Variants in COL19A1 observed in about 807,000 individuals in gnomAD.
COL19A1 encodes collagen alpha-1(XIX) chain.
In COL19A1, 159 loss-of-function variants were observed where a neutral mutation model predicts 190.2. The ratio of observed to expected loss-of-function variants is 0.84; its 90% confidence interval spans 0.73 to 0.95. The LOEUF is 0.95. Among genes scored for constraint, COL19A1 ranks in the 40% least tolerant of loss-of-function variants. The pLI is 0.00. For synonymous variants in COL19A1, 509 were observed against 458.9 expected (o/e 1.11, Z -1.39); for missense variants, 1,418 against 1,431.9 (o/e 0.99, Z 0.16).
chr6:69,921,402 CATAT>C (rs1291320359), intron 4 of COL19A1, among the ~76,000 whole-genome samples: 2 of 97,396 alleles, frequency 2.1e-5, no homozygotes, highest in Admixed American at 1.1e-4. Flanking sequence ...TATCATATAT[CATAT>C]ATATCATATA....
At chr6:70,166,097 C>A (rs1765134381) in intron 37 of COL19A1, 112 bp downstream of exon 37, 1 of 957,204 alleles carries the variant, frequency 1.0e-6, no homozygotes. Context: ...TTCTGAATTT[C>A]GTGTATAAAT....
At chr6:69,977,975 A>T (rs1000715855) in intron 11 of COL19A1, among the ~76,000 whole-genome samples, 1 of 152,186 alleles carries the variant, frequency 6.6e-6, no homozygotes, top group Non-Finnish European at 1.5e-5. Flanking sequence ...AAATTTCAAT[A>T]ATTTACTAGC....
At chr6:70,151,794 C>T (rs1787076825) in intron 31 of COL19A1, among the ~76,000 whole-genome samples, 1 of 152,076 alleles carries the variant, frequency 6.6e-6, no homozygotes. Context: ...TGTTGACTCA[C>T]CCTGGCTCAC....
At chr6:70,058,605 A>T (rs947258151) in intron 14 of COL19A1, among the ~76,000 whole-genome samples, 1 of 152,058 alleles carries the variant, frequency 6.6e-6, no homozygotes, top group African/African-American at 2.4e-5. Flanking sequence ...TTTTATACAA[A>T]CATAGAATTC....
chr6:69,954,107 T>C (rs1324406269), intron 9 of COL19A1, among the ~76,000 whole-genome samples: 3 of 152,022 alleles, frequency 2.0e-5, no homozygotes, highest in African/African-American at 7.2e-5. Flanking sequence ...AGATGATTGG[T>C]ATCTTTCTTT....
chr6:70,148,402 T>C (rs553653334), intron 27 of COL19A1, among the ~76,000 whole-genome samples: 1 of 152,258 alleles, frequency 6.6e-6, no homozygotes, highest in South Asian at 2.1e-4. Context: ...AGCAACCTAT[T>C]GTTAAGGAAT....
At chr6:70,017,337 A>G (rs1778169754) in intron 11 of COL19A1, among the ~76,000 whole-genome samples, 1 of 152,192 alleles carries the variant, frequency 6.6e-6, no homozygotes, top group Non-Finnish European at 1.5e-5. Context: ...AGTGAGAAGC[A>G]GTTGACTACA....
chr6:70,109,698 G>A lies in COL19A1; in HGVS notation c.1278+7476G>A, dbSNP rs568190641. Among the ~76,000 whole-genome samples, 80 of 152,104 alleles carry A rather than the reference G, an allele frequency of 5.3e-4. 1 individual carries two copies. The highest frequency in any genetic ancestry group is 1.8e-3 in the African/African-American group (76 of 41,508). On this transcript the variant is annotated intron_variant, in intron 16 of 50. Coordinates refer to ENST00000620364, the MANE Select transcript of COL19A1 (RefSeq NM_001858.6). Reference sequence around the variant, plus strand: ...CATTATCTTTAGTCTTTGAGTGGACGGGGAATAGGCTTGTTTGCTGAAAGA... The same window carrying A: ...CATTATCTTTAGTCTTTGAGTGGACAGGGAATAGGCTTGTTTGCTGAAAGA...
intron 15 of COL19A1, among the ~76,000 whole-genome samples, chr6:70,081,725 TG>T (rs1782267784): frequency 6.6e-6 from 1 of 152,300 alleles, no homozygotes; most frequent in African/African-American, 2.4e-5. Flanking sequence ...TGAGGTATGA[TG>T]GTTATTGAGG....
At chr6:70,055,782 A>T (rs1052869284) in intron 14 of COL19A1, among the ~76,000 whole-genome samples, 56 of 29,340 alleles carry the variant, frequency 1.9e-3, no homozygotes, top group Admixed American at 2.2e-3. Flanking sequence ...ACTCTGTATT[A>T]AAAAAAAAAA....
intron 4 of COL19A1, among the ~76,000 whole-genome samples, chr6:69,921,508 T>TCATATATATG (rs1771913100): frequency 2.2e-5 from 2 of 89,506 alleles, no homozygotes; most frequent in East Asian, 5.2e-4. Context: ...TCATATATAT[T>TCATATATATG]CATATGTATA....
At chr6:69,883,667 C>G (rs1016584764) in intron 2 of COL19A1, among the ~76,000 whole-genome samples, 5 of 152,142 alleles carry the variant, frequency 3.3e-5, no homozygotes, top group African/African-American at 1.2e-4. Flanking sequence ...TATAACAGAA[C>G]TCGTTTACAT....
At chr6:70,095,001 A>G (rs1195663362) in intron 15 of COL19A1, among the ~76,000 whole-genome samples, 1 of 152,208 alleles carries the variant, frequency 6.6e-6, no homozygotes, top group African/African-American at 2.4e-5. Flanking sequence ...TACTTATGCA[A>G]CCACCACATA....
In COL19A1 at chr6:69,962,811, A is replaced by C; in HGVS notation, c.982-15A>C. The C allele has an allele frequency of 6.3e-7, 1 of 1,588,656 alleles. No individual in the cohort carries two copies. Among genetic ancestry groups the C allele is most frequent in the Non-Finnish European group, 8.6e-7 (1 of 1,162,576 alleles). On this transcript the variant is annotated splice_polypyrimidine_tract_variant and intron_variant, in intron 10 of 50. Transcript: ENST00000620364. ...TCATTTTTATTACTATACACATCAT[A>C]TTCCTCTTCTACAGGGAGAGCAAGG...
intron 15 of COL19A1, among the ~76,000 whole-genome samples, chr6:70,101,681 C>T (rs545676307): frequency 1.5e-4 from 23 of 152,148 alleles, no homozygotes; most frequent in African/African-American, 5.3e-4. Flanking sequence ...TTCGTGGCTC[C>T]GACCCCCGGG....
intron 2 of COL19A1, among the ~76,000 whole-genome samples, chr6:69,881,330 TTTG>T (rs1768539121): frequency 6.6e-6 from 1 of 152,246 alleles, no homozygotes; most frequent in Admixed American, 6.5e-5. Context: ...GTTACCTTTT[TTTG>T]TTATTTTATT....
intron 42 of COL19A1, among the ~76,000 whole-genome samples, chr6:70,178,762 C>G (rs1417237080): frequency 6.6e-6 from 1 of 152,178 alleles, no homozygotes; most frequent in East Asian, 1.9e-4. Context: ...CCTGCTCTTC[C>G]TAGAACGGAC....
chr6:70,104,152 A>G (rs1297258937), intron 16 of COL19A1, among the ~76,000 whole-genome samples: 2 of 152,180 alleles, frequency 1.3e-5, no homozygotes, highest in Non-Finnish European at 2.9e-5. Context: ...TTTGTTATAT[A>G]AAAGCACATT....
At chr6:70,191,627 A>T (rs1766879756) in intron 48 of COL19A1, among the ~76,000 whole-genome samples, 1 of 152,118 alleles carries the variant, frequency 6.6e-6, no homozygotes, top group South Asian at 2.1e-4. Flanking sequence ...TTGTCCTAAA[A>T]CTCACCCTAC....
Sources: allele counts gnomAD v4.1 joint callset (sites outside exome capture counted in the v4.1 genomes callset), GRCh38; gene constraint gnomAD v4.1.1; transcripts MANE v1.5; gene names NCBI Gene and HGNC (gene_info 2026-07-23, HGNC 2026-07-21).